Variants in TGFBR3 observed in about 807,000 individuals in gnomAD.
TGFBR3 encodes transforming growth factor beta receptor 3.
Under a neutral mutation model 87.9 loss-of-function variants are expected in TGFBR3, and 46 were observed. The ratio of observed to expected loss-of-function variants is 0.52; its 90% CI spans 0.41 to 0.67. The LOEUF is 0.67. Among genes scored for constraint, TGFBR3 ranks in the 30% least tolerant of loss-of-function variants. The pLI is 0.00. For missense variants in TGFBR3, 866 were observed against 1,041.9 expected (o/e 0.83, Z 2.32); for synonymous variants, 381 against 391.6 (o/e 0.97, Z 0.32).
At chr1:91,728,996 G>A (rs1320481467) in intron 6 of TGFBR3, among the ~76,000 whole-genome samples, 1 of 150,424 alleles carries the variant, frequency 6.6e-6, no homozygotes, top group African/African-American at 2.4e-5. Flanking sequence ...CTATCGAATG[G>A]CTTTTTGGTA....
At chr1:91,845,923 T>C (rs879781766) in intron 2 of TGFBR3, among the ~76,000 whole-genome samples, 4 of 152,228 alleles carry the variant, frequency 2.6e-5, no homozygotes, top group Admixed American at 2.6e-4. Context: ...TTCCTTTTCC[T>C]CTATTTAAGA....
intron 4 of TGFBR3, among the ~76,000 whole-genome samples, chr1:91,743,211 T>C (rs1673218026): frequency 6.6e-6 from 1 of 152,142 alleles, no homozygotes; most frequent in South Asian, 2.1e-4. Flanking sequence ...CAGGTTGCAT[T>C]GTAGCCTCTC....
Position 91,680,833 on chromosome 1 carries a change from TA to T in TGFBR3, c.*2905del. On this transcript the variant is annotated 3_prime_UTR_variant, in exon 17 of 17. Coordinates refer to ENST00000212355, the MANE Select transcript of TGFBR3 (RefSeq NM_003243.5). ...TAAGAACACAAGCAGGAAATGGATT[TA>T]CAATCTTATTACAAGGCAAAGAAAA... The T allele has an allele frequency of 2.2e-6, 1 of 451,164 alleles. No individual in the cohort carries two copies. Among genetic ancestry groups the T allele is most frequent in the South Asian group, 1.6e-5 (1 of 64,008 alleles). The allele number at this position is 451,164 out of a possible 1,614,324, so 27.9% of individuals were successfully genotyped here. A position where few individuals can be genotyped will look rare whatever the true frequency, so the allele number is the denominator to read the frequency against.
intron 2 of TGFBR3, among the ~76,000 whole-genome samples, chr1:91,800,353 T>G: frequency 6.7e-6 from 1 of 148,496 alleles, no homozygotes; most frequent in African/African-American, 2.5e-5. Context: ...TGTGTGTGTG[T>G]GTATATAAAA....
In TGFBR3 at chr1:91,777,001, C is replaced by T. The variant is rs6703194; in HGVS notation, c.247-18251G>A. On this transcript the variant is annotated intron_variant, in intron 3 of 16. Transcript: ENST00000212355. ...ACATTCATTCCACACCTGACCCCAA[C>T]ACCACATCTACTCTGAGGTTACCCC... is the stretch of plus-strand genomic sequence containing the variant. 2.2e-3 allele frequency among the ~76,000 whole-genome samples: 337 copies of T among 152,334 alleles called. 1 individual carries two copies. The highest frequency in any genetic ancestry group is 7.8e-3 in the African/African-American group (324 of 41,578).
At chr1:91,828,741 C>A (rs565351116) in intron 2 of TGFBR3, among the ~76,000 whole-genome samples, 1 of 152,084 alleles carries the variant, frequency 6.6e-6, no homozygotes, top group African/African-American at 2.4e-5. Flanking sequence ...AGAGGAAGAC[C>A]GAAATTCTTC....
intron 4 of TGFBR3, among the ~76,000 whole-genome samples, chr1:91,756,150 A>G (rs922258882): frequency 6.6e-6 from 1 of 152,172 alleles, no homozygotes; most frequent in African/African-American, 2.4e-5. Flanking sequence ...CCACTGTGGT[A>G]GCCACTAGCC....
At chr1:91,766,283 A>C (rs284184) in intron 3 of TGFBR3, 73,607 of 145,316 alleles carry the variant, frequency 0.51, 18,693 homozygotes, top group African/African-American at 0.64. Context: ...CAATCCTCCC[A>C]CCTCAGCCTC....
chr1:91,864,618 C>T (rs1678318510), intron 1 of TGFBR3, among the ~76,000 whole-genome samples: 1 of 152,164 alleles, frequency 6.6e-6, no homozygotes, highest in Non-Finnish European at 1.5e-5. Flanking sequence ...ATTCCCAAGG[C>T]AGAGGAGAAG....
intron 7 of TGFBR3, among the ~76,000 whole-genome samples, chr1:91,723,055 A>G (rs191549699): frequency 5.9e-5 from 9 of 152,334 alleles, no homozygotes; most frequent in South Asian, 2.1e-4. Context: ...TAGTAATTCT[A>G]TAACTGTATT....
chr1:91,866,166 G>A (rs1416318521), intron 1 of TGFBR3, among the ~76,000 whole-genome samples: 1 of 152,186 alleles, frequency 6.6e-6, no homozygotes, highest in Non-Finnish European at 1.5e-5. Context: ...AAAGGATCTG[G>A]TTGGGTACAA....
chr1:91,793,238 C>T (rs1675257742), intron 3 of TGFBR3, among the ~76,000 whole-genome samples: 1 of 152,160 alleles, frequency 6.6e-6, no homozygotes, highest in Admixed American at 6.5e-5. Context: ...AGCTGAAGAA[C>T]TTTAAGGCAC....
chr1:91,751,625 T>C (rs1379852059), intron 4 of TGFBR3, among the ~76,000 whole-genome samples: 1 of 152,010 alleles, frequency 6.6e-6, no homozygotes, highest in Non-Finnish European at 1.5e-5. Flanking sequence ...TTTGGACCTT[T>C]TTTTTTTTAA....
intron 1 of TGFBR3, among the ~76,000 whole-genome samples, chr1:91,871,724 G>C (rs1406389922): frequency 6.6e-6 from 1 of 152,168 alleles, no homozygotes; most frequent in African/African-American, 2.4e-5. Flanking sequence ...CCTGAGGTAA[G>C]AGCATGCTTG....
At position 91,680,593 on chromosome 1, in the gene TGFBR3, A is replaced by G; in HGVS notation, c.*3146T>C. On this transcript the variant is annotated 3_prime_UTR_variant, in exon 17 of 17. Coordinates refer to ENST00000212355, the MANE Select transcript of TGFBR3 (RefSeq NM_003243.5). ...GAAGAGAGAAGTATTGTATTTGGAA[A>G]CTGATAATAGTCCTTTTTAGAAAAA... is the stretch of plus-strand genomic sequence containing the variant. The G allele has an allele frequency of 2.2e-6, 1 of 454,058 alleles. No individual in the cohort carries two copies. Among genetic ancestry groups the G allele is most frequent in the East Asian group, 7.0e-5 (1 of 14,384 alleles). 28.1% of individuals were successfully genotyped at this position (454,058 alleles called of 1,614,324 possible).
intron 3 of TGFBR3, among the ~76,000 whole-genome samples, chr1:91,762,134 T>C (rs886929378): frequency 6.6e-6 from 1 of 152,202 alleles, no homozygotes; most frequent in African/African-American, 2.4e-5. Context: ...CCAAAGGGGA[T>C]GCAGCTCAAA....
rs200416328 is a variant in TGFBR3, at chr1:91,798,225, C to A, written c.62-754G>T. On this transcript the variant is annotated intron_variant, in intron 2 of 16. Coordinates refer to ENST00000212355, the MANE Select transcript of TGFBR3 (RefSeq NM_003243.5). Reference sequence around the variant, plus strand: ...AGTCTGAGGACTCAAGCTCTGCATGCCACCTTCCACACAGGCACTGTCCAC... The same window carrying A: ...AGTCTGAGGACTCAAGCTCTGCATGACACCTTCCACACAGGCACTGTCCAC... 2.6e-5 allele frequency among the ~76,000 whole-genome samples: 4 copies of A among 152,312 alleles called. No individual in the cohort carries two copies. In the East Asian group the frequency reaches 5.8e-4, roughly 22 times the overall value.
chr1:91,853,940 C>T (rs1342562965), intron 2 of TGFBR3, among the ~76,000 whole-genome samples: 4 of 152,132 alleles, frequency 2.6e-5, no homozygotes, highest in Admixed American at 1.3e-4. Flanking sequence ...ACCCGGGAGG[C>T]GGAGGTTGCA....
intron 2 of TGFBR3, among the ~76,000 whole-genome samples, chr1:91,891,541 G>A (rs1199392990): frequency 2.0e-5 from 3 of 149,414 alleles, no homozygotes; most frequent in Non-Finnish European, 4.4e-5. Context: ...ACTTTCAAAA[G>A]ATAAAAATGA....
Sources: gnomAD v4.1 joint callset for allele counts (sites outside exome capture counted in the v4.1 genomes callset) on GRCh38, gnomAD v4.1.1 for gene constraint, MANE v1.5 for transcripts, NCBI Gene and HGNC (gene_info 2026-07-23, HGNC 2026-07-21) for gene names.